The following ZNF740 variants were observed in gnomAD, a reference collection of about 807,000 sequenced individuals.
ZNF740 encodes the protein zinc finger protein 740.
Under a neutral mutation model 24.8 loss-of-function variants are expected in ZNF740, and 14 were observed. The observed-to-expected ratio is 0.56, with a 90% CI of 0.37 to 0.88. ZNF740 has a LOEUF of 0.88. ZNF740 is among the 40% of genes least tolerant of loss of function. The pLI, the probability that ZNF740 is intolerant of heterozygous loss-of-function variation, is 0.00. For synonymous variants in ZNF740, 69 were observed against 84.0 expected (o/e 0.82, Z 0.98); for missense variants, 201 against 247.9 (o/e 0.81, Z 1.27).
chr12:53,184,064 A>C (rs927167561), intron 2 of ZNF740, among the ~76,000 whole-genome samples: 3 of 151,438 alleles, frequency 2.0e-5, no homozygotes, highest in African/African-American at 7.3e-5. Flanking sequence ...TAGAAAATAC[A>C]GTTGGCACCA....
Position 53,192,324 on chromosome 12 carries a change from A to T in ZNF740, c.*4734A>T, listed in dbSNP as rs753176133. ...TCCAGGGTTTGTGGCATCCCTGCCC[A>T]CTTACTTTCTTGGGGTCTCACTCTG... On this transcript the variant is annotated 3_prime_UTR_variant, in exon 7 of 7. Coordinates refer to ENST00000416904, the MANE Select transcript of ZNF740 (RefSeq NM_001004304.4). 13 of 1,613,426 alleles carry T rather than the reference A, an allele frequency of 8.1e-6. No homozygotes were observed. The African/African-American group carries it at 1.7e-4, about 22-fold the overall frequency.
rs1045394132 is a variant in ZNF740, at chr12:53,188,314, A to G, written c.*724A>G. 6.5e-6 allele frequency: 1 copy of G among 152,690 alleles called. No individual in the cohort carries two copies. Among genetic ancestry groups the G allele is most frequent in the Non-Finnish European group, 1.5e-5 (1 of 68,116 alleles). The allele number at this position is 152,690 out of a possible 1,614,324, so 9.5% of individuals were successfully genotyped here. A position where few individuals can be genotyped will look rare whatever the true frequency, so the allele number is the denominator to read the frequency against. On this transcript the variant is annotated 3_prime_UTR_variant, in exon 7 of 7. Coordinates refer to ENST00000416904, the MANE Select transcript of ZNF740 (RefSeq NM_001004304.4). ...AAGAGTTGTGCCAGTGGGTGTTGTC[A>G]TGGCCCATGTCACATTGGCACCTGA...
chr12:53,193,308 A>G lies in ZNF740; in HGVS notation c.*5718A>G, dbSNP rs1359793523. On this transcript the variant is annotated 3_prime_UTR_variant, in exon 7 of 7. Coordinates refer to ENST00000416904, the MANE Select transcript of ZNF740 (RefSeq NM_001004304.4). ...CGGCACCCAGATTCCAGGTCTGGGG[A>G]GGACAGCTCTGCCACAGAGCACTCA... The G allele has an allele frequency of 1.2e-6, 2 of 1,610,432 alleles. No individual in the cohort carries two copies. The highest frequency in any genetic ancestry group is 2.2e-5 in the South Asian group (2 of 90,924).
Position 53,193,407 on chromosome 12 carries a change from A to G in ZNF740, c.*5817A>G. ...GGAGAGAAGTAGGTCAGAGGGTTTG[A>G]TCACCCCTGACTTGTCTCTCCCAGG... is the stretch of plus-strand genomic sequence containing the variant. On this transcript the variant is annotated 3_prime_UTR_variant, in exon 7 of 7. Transcript: ENST00000416904. 3 of 1,399,920 alleles carry G rather than the reference A, an allele frequency of 2.1e-6. No homozygotes were observed. The highest frequency in any genetic ancestry group is 2.9e-6 in the Non-Finnish European group (3 of 1,038,324). The allele number at this position is 1,399,920 out of a possible 1,614,324, so 86.7% of individuals were successfully genotyped here.
In ZNF740 at chr12:53,193,399, A is replaced by T. The variant is rs1244227051; in HGVS notation, c.*5809A>T. The T allele has an allele frequency of 6.9e-7, 1 of 1,452,548 alleles. No homozygotes were observed. Among genetic ancestry groups the T allele is most frequent in the African/African-American group, 1.4e-5 (1 of 70,722 alleles). 90.0% of individuals were successfully genotyped at this position (1,452,548 alleles called of 1,614,324 possible). A position where few individuals can be genotyped will look rare whatever the true frequency, so the allele number is the denominator to read the frequency against. On this transcript the variant is annotated 3_prime_UTR_variant, in exon 7 of 7. Coordinates refer to ENST00000416904, the MANE Select transcript of ZNF740 (RefSeq NM_001004304.4). ...AAGGCAAAGGAGAGAAGTAGGTCAG[A>T]GGGTTTGATCACCCCTGACTTGTCT...
Position 53,194,493 on chromosome 12 carries a change from T to C in ZNF740, c.*6903T>C. ...CCATTCTGCCCAGTCGAGGCATTTC[T>C]GGAGGGAGGACCCGTGAGAACCTTG... On this transcript the variant is annotated 3_prime_UTR_variant, in exon 7 of 7. Coordinates refer to ENST00000416904, the MANE Select transcript of ZNF740 (RefSeq NM_001004304.4). The C allele has an allele frequency of 1.4e-6, 1 of 709,630 alleles. No individual in the cohort carries two copies. The highest frequency in any genetic ancestry group is 2.4e-6 in the Non-Finnish European group (1 of 424,374). 44.0% of individuals were successfully genotyped at this position (709,630 alleles called of 1,614,324 possible). A position where few individuals can be genotyped will look rare whatever the true frequency, so the allele number is the denominator to read the frequency against.
intron 2 of ZNF740, among the ~76,000 whole-genome samples, chr12:53,184,150 T>TGTGTGTGTGTGTGTGTGTGTGTGCGC (rs59250662): frequency 9.6e-6 from 1 of 104,346 alleles, no homozygotes; most frequent in African/African-American, 3.7e-5. Context: ...TGTGTGTGTG[T>TGTGTGTGTGTGTGTGTGTGTGTGCGC]GCGCGCGCGC....
rs1227909048 is a variant in ZNF740 at position 53,189,389 on chromosome 12, T to A, written c.*1799T>A. 1 of 151,932 alleles carries A rather than the reference T, an allele frequency of 6.6e-6. No individual in the cohort carries two copies. Among genetic ancestry groups the A allele is most frequent in the African/African-American group, 2.4e-5 (1 of 41,334 alleles). 9.4% of individuals were successfully genotyped at this position (151,932 alleles called of 1,614,324 possible). A position where few individuals can be genotyped will look rare whatever the true frequency, so the allele number is the denominator to read the frequency against. On this transcript the variant is annotated 3_prime_UTR_variant, in exon 7 of 7. Coordinates refer to ENST00000416904, the MANE Select transcript of ZNF740 (RefSeq NM_001004304.4). Reference sequence around the variant, plus strand: ...GATGGGAAACTCCTGAAAGTATGATTTCATTTCCCAGAAAATGTAAAGAAT... The same window carrying A: ...GATGGGAAACTCCTGAAAGTATGATATCATTTCCCAGAAAATGTAAAGAAT...
intron 2 of ZNF740, chr12:53,182,208 A>G: frequency 1.6e-6 from 1 of 609,800 alleles, no homozygotes; most frequent in East Asian, 2.9e-5. Context: ...ATACTGCATC[A>G]CAGGCACTGA....
In ZNF740 at chr12:53,191,196, A is replaced by G. The variant is rs1180808378; in HGVS notation, c.*3606A>G. The G allele has an allele frequency of 1.3e-4, 40 of 298,938 alleles. 1 individual carries two copies. Among genetic ancestry groups the G allele is most frequent in the South Asian group, 1.0e-3 (29 of 28,950 alleles). 18.5% of individuals were successfully genotyped at this position (298,938 alleles called of 1,614,324 possible). ...GGTGCACCCCGGGAGTTTCCTGCAC[A>G]TTCGCGCTTGGGCACCTCTCCCTGC... On this transcript the variant is annotated 3_prime_UTR_variant, in exon 7 of 7. Coordinates refer to ENST00000416904, the MANE Select transcript of ZNF740 (RefSeq NM_001004304.4).
chr12:53,180,935 A>C (rs1488706535), intron 1 of ZNF740, 98 bp downstream of exon 1: 2 of 172,306 alleles, frequency 1.2e-5, no homozygotes, highest in Non-Finnish European at 1.3e-5. Flanking sequence ...GGGGGAGGGG[A>C]GGGGAGGAGG....
chr12:53,181,472 C>T, intron 1 of ZNF740: 4 of 985,368 alleles, frequency 4.1e-6, no homozygotes, highest in Non-Finnish European at 4.8e-6. Flanking sequence ...CATAGGAGGC[C>T]CCAATTACTT....
chr12:53,186,595 G>A (rs772833093), intron 6 of ZNF740, 86 bp downstream of exon 6: 92 of 1,087,042 alleles, frequency 8.5e-5, no homozygotes, highest in Middle Eastern at 5.4e-4. Context: ...CCTGACAAAA[G>A]AGCCACCAGC....
At position 53,193,480 on chromosome 12, in the gene ZNF740, T is replaced by A; in HGVS notation, c.*5890T>A. The A allele has an allele frequency of 4.9e-6, 4 of 813,144 alleles. No individual in the cohort carries two copies. Among genetic ancestry groups the A allele is most frequent in the Non-Finnish European group, 7.6e-6 (4 of 525,194 alleles). The allele number at this position is 813,144 out of a possible 1,614,324, so 50.4% of individuals were successfully genotyped here. On this transcript the variant is annotated 3_prime_UTR_variant, in exon 7 of 7. Transcript: ENST00000416904. ...AAAGAGTTGGAGACAGACAAACAGC[T>A]GAAAGGATGTTAAGTATAGTGAAAC...
Position 53,189,717 on chromosome 12 carries a change from C to T in ZNF740, c.*2127C>T, listed in dbSNP as rs1219253288. On this transcript the variant is annotated 3_prime_UTR_variant, in exon 7 of 7. Transcript: ENST00000416904. The stretch of plus-strand genomic sequence containing the variant: ...GGCATCTTTCTGCATGTGAGCCAGC[C>T]CCCTTCCTGTTCAAGGGTTCTGCTG... The T allele has an allele frequency of 6.6e-6, 1 of 152,236 alleles. No homozygotes were observed. The highest frequency in any genetic ancestry group is 6.5e-5 in the Admixed American group (1 of 15,286). 9.4% of individuals were successfully genotyped at this position (152,236 alleles called of 1,614,324 possible).
At position 53,188,341 on chromosome 12, in the gene ZNF740, G is replaced by A. The variant is rs942344823; in HGVS notation, c.*751G>A. On this transcript the variant is annotated 3_prime_UTR_variant, in exon 7 of 7. Transcript: ENST00000416904. ...GGCCCATGTCACATTGGCACCTGAT[G>A]GCATCAGCTCAAATGCCTTTAGGAG... is the stretch of plus-strand genomic sequence containing the variant. 4 of 152,572 alleles carry A rather than the reference G, an allele frequency of 2.6e-5. No individual in the cohort carries two copies. The highest frequency in any genetic ancestry group is 9.7e-5 in the African/African-American group (4 of 41,434). The allele number at this position is 152,572 out of a possible 1,614,324, so 9.5% of individuals were successfully genotyped here. A position where few individuals can be genotyped will look rare whatever the true frequency, so the allele number is the denominator to read the frequency against.
chr12:53,186,324 G>A lies in ZNF740; in HGVS notation c.374-67G>A. 6 of 1,419,136 alleles carry A rather than the reference G, an allele frequency of 4.2e-6. 1 individual carries two copies. In the South Asian group the frequency reaches 7.5e-5, roughly 18 times the overall value. The allele number at this position is 1,419,136 out of a possible 1,614,324, so 87.9% of individuals were successfully genotyped here. Reference sequence around the variant, plus strand: ...CATTACTAAGAGTTAAAGTTTCTGAGAAAACTGGAATGAGGTCCCTACTGT... The same window carrying A: ...CATTACTAAGAGTTAAAGTTTCTGAAAAAACTGGAATGAGGTCCCTACTGT... On this transcript the variant is annotated intron_variant, in intron 5 of 6. Coordinates refer to ENST00000416904, the MANE Select transcript of ZNF740 (RefSeq NM_001004304.4).
rs1451477999 is a variant in ZNF740, at chr12:53,194,974, T to G, written c.*7384T>G. ...CCAGCCCTTCTGTTTGTTATCTTTGTGACCTTGGACAAGTCACTTAGCCTC... is the reference window on the plus strand; with the variant it reads ...CCAGCCCTTCTGTTTGTTATCTTTGGGACCTTGGACAAGTCACTTAGCCTC... On this transcript the variant is annotated 3_prime_UTR_variant, in exon 7 of 7. Coordinates refer to ENST00000416904, the MANE Select transcript of ZNF740 (RefSeq NM_001004304.4). 1 of 201,440 alleles carries G rather than the reference T, an allele frequency of 5.0e-6. No individual in the cohort carries two copies. The highest frequency in any genetic ancestry group is 2.3e-5 in the African/African-American group (1 of 43,546). The allele number at this position is 201,440 out of a possible 1,614,324, so 12.5% of individuals were successfully genotyped here. A position where few individuals can be genotyped will look rare whatever the true frequency, so the allele number is the denominator to read the frequency against.
chr12:53,193,211 C>T lies in ZNF740; in HGVS notation c.*5621C>T. The T allele has an allele frequency of 6.2e-7, 1 of 1,614,150 alleles. No individual in the cohort carries two copies. Among genetic ancestry groups the T allele is most frequent in the African/African-American group, 1.3e-5 (1 of 75,024 alleles). On this transcript the variant is annotated 3_prime_UTR_variant, in exon 7 of 7. Coordinates refer to ENST00000416904, the MANE Select transcript of ZNF740 (RefSeq NM_001004304.4). ...CTCGCACAGATGCCCAGAGCTCTGT[C>T]CACTGCAGCTGCAGCGTCCACATTG...
Sources: gnomAD v4.1 joint callset for allele counts (sites outside exome capture counted in the v4.1 genomes callset) on GRCh38, gnomAD v4.1.1 for gene constraint, MANE v1.5 for transcripts, NCBI Gene and HGNC (gene_info 2026-07-23, HGNC 2026-07-21) for gene names.